The following SHE variants were observed in gnomAD, a reference collection of about 807,000 sequenced individuals.
SHE encodes SH2 domain-containing adapter protein E.
A neutral mutation model predicts 49.8 loss-of-function variants in SHE; 11 were observed. The observed-to-expected ratio is 0.22, with a 90% CI of 0.14 to 0.37. The LOEUF is 0.37. Ranked by LOEUF, SHE falls within the 10% of genes least tolerant of loss-of-function variation. The pLI, the probability that SHE is intolerant of heterozygous loss-of-function variation, is 1.00. For missense variants in SHE, 624 were observed against 655.5 expected (o/e 0.95, Z 0.52); for synonymous variants, 310 against 278.1 (o/e 1.11, Z -1.14).
intron 5 of SHE, 179 bp from the exon 6 acceptor site, chr1:154,484,514 A>ACGCATGT: frequency 1.6e-5 from 9 of 563,978 alleles, no homozygotes; most frequent in Non-Finnish European, 2.8e-5. Context: ...CACAGTCTAA[A>ACGCATGT]CGCATGTAAT....
chr1:154,502,089 C>A lies in SHE; in HGVS notation c.-63G>T. On this transcript the variant is annotated 5_prime_UTR_variant, in exon 1 of 6. Transcript: ENST00000304760. ...CCGCGACGGCTGCTCCGTGCGCCCC[C>A]GGCCGGCCGTCGCCCACGCCCGGCA... The A allele has an allele frequency of 8.3e-7, 1 of 1,198,404 alleles. No individual in the cohort carries two copies. Among genetic ancestry groups the A allele is most frequent in the South Asian group, 4.1e-5 (1 of 24,298 alleles). The allele number at this position is 1,198,404 out of a possible 1,614,324, so 74.2% of individuals were successfully genotyped here. A position where few individuals can be genotyped will look rare whatever the true frequency, so the allele number is the denominator to read the frequency against.
chr1:154,502,050 GC>G lies in SHE; in HGVS notation c.-25del. On this transcript the variant is annotated 5_prime_UTR_variant, in exon 1 of 6. Transcript: ENST00000304760. ...ATTCCCCGTGACTGGGGCGCTGGAG[GC>G]CGCGGCGAGGCCCCGCGACGGCTGC... 7.9e-7 allele frequency: 1 copy of G among 1,267,874 alleles called. No homozygotes were observed. The highest frequency in any genetic ancestry group is 9.9e-7 in the Non-Finnish European group (1 of 1,010,174). The allele number at this position is 1,267,874 out of a possible 1,614,324, so 78.5% of individuals were successfully genotyped here.
At chr1:154,499,448 A>G (rs1477308563) in intron 1 of SHE, among the ~76,000 whole-genome samples, 1 of 152,168 alleles carries the variant, frequency 6.6e-6, no homozygotes, top group Non-Finnish European at 1.5e-5. Context: ...CAATTCATCT[A>G]ACTCTTTCAC....
rs1691990714 is a variant in SHE at position 154,480,518 on chromosome 1, C to T, written c.*3631G>A. 3.0e-6 allele frequency: 3 copies of T among 985,516 alleles called. No individual in the cohort carries two copies. Among genetic ancestry groups the T allele is most frequent in the Non-Finnish European group, 3.6e-6 (3 of 829,934 alleles). The allele number at this position is 985,516 out of a possible 1,614,324, so 61.0% of individuals were successfully genotyped here. On this transcript the variant is annotated 3_prime_UTR_variant, in exon 6 of 6. Transcript: ENST00000304760. ...ACAAATTAGGACAATTTCCCACCAC[C>T]TGCCTCAAAAACTCCTGGCTGCCCC...
Position 154,481,058 on chromosome 1 carries a change from A to G in SHE, c.*3091T>C, listed in dbSNP as rs543370808. ...ACTCGAAGGAATGAGGACTACAGGA[A>G]AATACTTGTCTCAAGACAAAATGAC... is the stretch of plus-strand genomic sequence containing the variant. On this transcript the variant is annotated 3_prime_UTR_variant, in exon 6 of 6. Coordinates refer to ENST00000304760, the MANE Select transcript of SHE (RefSeq NM_001010846.3). 84 of 985,476 alleles carry G rather than the reference A, an allele frequency of 8.5e-5. No individual in the cohort carries two copies. The African/African-American group carries it at 1.4e-3, about 17-fold the overall frequency. The allele number at this position is 985,476 out of a possible 1,614,324, so 61.0% of individuals were successfully genotyped here.
chr1:154,486,786 T>C, intron 3 of SHE, 103 bp from the exon 4 acceptor site: 1 of 1,339,186 alleles, frequency 7.5e-7, no homozygotes, highest in Non-Finnish European at 1.0e-6. Flanking sequence ...GAAAGAAGCA[T>C]TTTCCCCCTT....
At chr1:154,484,977 AAAG>A (rs1490234487) in intron 5 of SHE, 6 of 151,770 alleles carry the variant, frequency 4.0e-5, no homozygotes, top group African/African-American at 1.4e-4. Context: ...AAAAAAAAAA[AAAG>A]AAAAAGAAAA....
chr1:154,470,113 ATGG>A (rs1457867922), exon 2 of SHE: 1 of 359,280 alleles, frequency 2.8e-6, no homozygotes, highest in Non-Finnish European at 5.4e-6. Context: ...AGGACAGGTG[ATGG>A]TGGCCGCCAT....
At position 154,499,096 on chromosome 1, in the gene SHE, G is replaced by C. The variant is rs756985922; in HGVS notation, c.718+16C>G. On this transcript the variant is annotated intron_variant, in intron 2 of 5. Transcript: ENST00000304760. ...GTGAGATTTCAGTCTCTATTCTGTAGAGCCTGCTTACAAACCTGTTATCAT... is the reference window on the plus strand; with the variant it reads ...GTGAGATTTCAGTCTCTATTCTGTACAGCCTGCTTACAAACCTGTTATCAT... The C allele has an allele frequency of 1.9e-6, 3 of 1,613,516 alleles. No individual in the cohort carries two copies. The highest frequency in any genetic ancestry group is 2.2e-5 in the South Asian group (2 of 91,004).
rs1240355782 is a variant in SHE at position 154,483,690 on chromosome 1, C to T, written c.*459G>A. ...GGCCACAAACAAAGTGTCATGGAAT[C>T]ACTTTAAGACCAAAGACTTGGCCGG... On this transcript the variant is annotated 3_prime_UTR_variant, in exon 6 of 6. Transcript: ENST00000304760. The T allele has an allele frequency of 1.0e-6, 1 of 988,438 alleles. No individual in the cohort carries two copies. Among genetic ancestry groups the T allele is most frequent in the East Asian group, 1.1e-4 (1 of 8,918 alleles). 61.2% of individuals were successfully genotyped at this position (988,438 alleles called of 1,614,324 possible).
In SHE at chr1:154,494,583, A is replaced by G. The variant is rs1286852163; in HGVS notation, c.718+4529T>C. Among the ~76,000 whole-genome samples, 3 of 149,692 alleles carry G rather than the reference A, an allele frequency of 2.0e-5. No individual in the cohort carries two copies. The East Asian group carries it at 5.8e-4, about 29-fold the overall frequency. ...ACAGTGAGGTTCTCTTTTAGATTTG[A>G]CTATTTAAACAAACCAACAAAATCA... On this transcript the variant is annotated intron_variant, in intron 2 of 5. Transcript: ENST00000304760.
At chr1:154,499,387 G>A in intron 1 of SHE, 149 bp from the exon 2 acceptor site, 2 of 807,286 alleles carry the variant, frequency 2.5e-6, no homozygotes, top group South Asian at 4.7e-5. Flanking sequence ...TTGATCATGT[G>A]TCCCAGTTAG....
rs201837580 is a variant in SHE at position 154,489,120 on chromosome 1, C to T, written c.955G>A (p.Glu319Lys). 56 of 1,613,532 alleles carry T rather than the reference C, an allele frequency of 3.5e-5. No homozygotes were observed. The highest frequency in any genetic ancestry group is 1.7e-4 in the Middle Eastern group (1 of 6,058). The change falls in exon 3 of 6, where the codon GAG becomes AAG. Residue 319 changes from glutamate (E) to lysine (K), a missense_variant. By Grantham distance (56) the Glu-to-Lys change is moderately conservative. Coordinates refer to ENST00000304760, the MANE Select transcript of SHE (RefSeq NM_001010846.3). ...TGCTCGTACTCTGCCGCGGGCCTCT[C>T]GTCGTTCTCGGGCAGCCGGCTGTCT... ...PPDSRLPENDERPAAEYEQPW... is the reference protein window; with the variant it reads ...PPDSRLPENDKRPAAEYEQPW...
rs4845631 is a variant in SHE, at chr1:154,486,171, G to A, written c.1182-109C>T. The A allele has an allele frequency of 5.1e-3, 7,305 of 1,432,192 alleles. 232 individuals are homozygous for A. The East Asian group carries it at 0.07, about 14-fold the overall frequency. The allele number at this position is 1,432,192 out of a possible 1,614,324, so 88.7% of individuals were successfully genotyped here. A position where few individuals can be genotyped will look rare whatever the true frequency, so the allele number is the denominator to read the frequency against. On this transcript the variant is annotated intron_variant, in intron 4 of 5. Coordinates refer to ENST00000304760, the MANE Select transcript of SHE (RefSeq NM_001010846.3). ...TTTGAAATGAACTTCTGGCAGAGAC[G>A]CAACAGCCTGAACTAGATCCTGCTT... is the stretch of plus-strand genomic sequence containing the variant.
chr1:154,471,680 ACTCT>A (rs139560920), intron 1 of SHE, among the ~76,000 whole-genome samples: 86,392 of 149,140 alleles, frequency 0.58, 25,371 homozygotes, highest in East Asian at 0.74. Context: ...GTTTTTCAGT[ACTCT>A]CTCTCTCTCT....
At chr1:154,477,954 A>ATT (rs1384904618), downstream of SHE, among the ~76,000 whole-genome samples, 2 of 151,212 alleles carry the variant, frequency 1.3e-5, no homozygotes, top group Non-Finnish European at 2.9e-5. Flanking sequence ...ACAACTCCCC[A>ATT]TTTCCTCCTT....
intron 2 of SHE, among the ~76,000 whole-genome samples, chr1:154,494,713 C>G (rs1004331764): frequency 6.6e-6 from 1 of 151,998 alleles, no homozygotes; most frequent in Non-Finnish European, 1.5e-5. Flanking sequence ...GTAATTTGAA[C>G]AAATTATTTA....
At position 154,489,182 on chromosome 1, in the gene SHE, T is replaced by A. The variant is rs1191023832; in HGVS notation, c.893A>T (p.Glu298Val). The A allele has an allele frequency of 6.2e-7, 1 of 1,614,164 alleles. No homozygotes were observed. The highest frequency in any genetic ancestry group is 1.1e-5 in the South Asian group (1 of 91,084). ...QLYDTPYEPA[E>V]GGPRAEGKAR... is the part of the protein sequence containing the mutation. Reference sequence around the variant, plus strand: ...CTTCCCCTCTGCCCTGGGCCCCCCTTCTGCAGGCTCGTAGGGAGTGTCGTA... The same window carrying A: ...CTTCCCCTCTGCCCTGGGCCCCCCTACTGCAGGCTCGTAGGGAGTGTCGTA... The change falls in exon 3 of 6, where the codon GAA becomes GTA. Residue 298 changes from glutamate to valine, a missense_variant. Coordinates refer to ENST00000304760, the MANE Select transcript of SHE (RefSeq NM_001010846.3).
At position 154,484,093 on chromosome 1, in the gene SHE, T is replaced by G. The variant is rs962048113; in HGVS notation, c.*56A>C. ...GCCTTGTCCTCTGAGATGCTGGTTG[T>G]GCGCTGATGATGCCCTTGAAGGTGC... On this transcript the variant is annotated 3_prime_UTR_variant, in exon 6 of 6. Transcript: ENST00000304760. 4 of 1,576,538 alleles carry G rather than the reference T, an allele frequency of 2.5e-6. No individual in the cohort carries two copies. The African/African-American group carries it at 4.0e-5, about 16-fold the overall frequency.
Sources: gnomAD v4.1 joint callset for allele counts (sites outside exome capture counted in the v4.1 genomes callset) on GRCh38, gnomAD v4.1.1 for gene constraint, MANE v1.5 for transcripts, NCBI Gene and HGNC (gene_info 2026-07-23, HGNC 2026-07-21) for gene names.